Variants in GATA4 observed in about 807,000 individuals in gnomAD.
GATA4 encodes transcription factor GATA-4.
A neutral mutation model predicts 37.9 loss-of-function variants in GATA4; 7 were observed. That is an observed-to-expected ratio of 0.18 (90% confidence interval 0.11 to 0.35). The LOEUF (loss-of-function observed/expected upper bound fraction) is 0.35. Ranked by LOEUF, GATA4 falls within the 10% of genes least tolerant of loss-of-function variation. The pLI is 1.00. For synonymous variants in GATA4, 372 were observed against 292.6 expected (o/e 1.27, Z -2.77); for missense variants, 647 against 653.0 (o/e 0.99, Z 0.10).
intron 1 of GATA4, among the ~76,000 whole-genome samples, chr8:11,677,910 C>T (rs1165953211): frequency 6.6e-5 from 10 of 151,928 alleles, no homozygotes; most frequent in Non-Finnish European, 1.5e-4. Flanking sequence ...TGGTTGCACA[C>T]GCTTTTGCAT....
intron 1 of GATA4, among the ~76,000 whole-genome samples, chr8:11,705,515 G>A (rs577291078): frequency 1.1e-4 from 17 of 152,294 alleles, no homozygotes; most frequent in South Asian, 6.2e-4. Flanking sequence ...AAAGGGGAGC[G>A]CATTTCCTGT....
At chr8:11,748,859 G>C in intron 2 of GATA4, 57 bp from the exon 3 acceptor site, 1 of 1,581,806 alleles carries the variant, frequency 6.3e-7, no homozygotes, top group South Asian at 1.1e-5. Flanking sequence ...GTGAGAGCTG[G>C]GCATAAACAA....
At chr8:11,731,651 T>C (rs994655399) in intron 2 of GATA4, among the ~76,000 whole-genome samples, 1 of 152,170 alleles carries the variant, frequency 6.6e-6, no homozygotes, top group African/African-American at 2.4e-5. Context: ...TGAAAACAGT[T>C]GTAGAGATTA....
At chr8:11,710,630 C>A (rs1317373114) in intron 2 of GATA4, among the ~76,000 whole-genome samples, 3 of 124,882 alleles carry the variant, frequency 2.4e-5, no homozygotes, top group African/African-American at 9.3e-5. Context: ...GCAGAAGTTG[C>A]AGTGAGCCGA....
chr8:11,693,654 G>A (rs1585566054), intron 1 of GATA4, among the ~76,000 whole-genome samples: 1 of 152,150 alleles, frequency 6.6e-6, no homozygotes, highest in East Asian at 1.9e-4. Context: ...GAGGGCCAGA[G>A]TGGGCGGCTG....
intron 1 of GATA4, among the ~76,000 whole-genome samples, chr8:11,693,522 A>AC (rs1799394800): frequency 1.8e-5 from 2 of 109,962 alleles, no homozygotes; most frequent in East Asian, 5.1e-4. Context: ...ATTCAGCACA[A>AC]ACACACACAC....
At chr8:11,741,563 T>C (rs571827642) in intron 2 of GATA4, among the ~76,000 whole-genome samples, 1 of 152,294 alleles carries the variant, frequency 6.6e-6, no homozygotes, top group African/African-American at 2.4e-5. Flanking sequence ...GCATTGTGAT[T>C]GCAGAGGCTC....
intron 1 of GATA4, among the ~76,000 whole-genome samples, chr8:11,705,350 G>A (rs904052994): frequency 5.9e-5 from 9 of 152,194 alleles, no homozygotes; most frequent in Admixed American, 3.3e-4. Context: ...GGTTGTGCCG[G>A]CTAGCGTGCG....
At chr8:11,733,218 C>A (rs915911703) in intron 2 of GATA4, among the ~76,000 whole-genome samples, 3 of 151,962 alleles carry the variant, frequency 2.0e-5, no homozygotes, top group African/African-American at 7.3e-5. Flanking sequence ...ATTCCAAACT[C>A]CCTCAAACAA....
chr8:11,684,209 TATG>T (rs1175361508), intron 1 of GATA4, among the ~76,000 whole-genome samples: 7 of 152,178 alleles, frequency 4.6e-5, no homozygotes, highest in African/African-American at 1.4e-4. Flanking sequence ...CCTCTGATGT[TATG>T]GTGGATATTT....
chr8:11,697,972 G>A (rs1232660550), intron 1 of GATA4: 21 of 985,352 alleles, frequency 2.1e-5, no homozygotes, highest in Non-Finnish European at 2.5e-5. Context: ...AGCCGCGGGT[G>A]TCCCTACCAT....
rs574193652 is a variant in GATA4, at chr8:11,696,123, T to C, written c.-729+3463T>C. 6.6e-5 allele frequency among the ~76,000 whole-genome samples: 10 copies of C among 152,252 alleles called. No individual in the cohort carries two copies. The South Asian group carries it at 2.1e-3, about 32-fold the overall frequency. ...TCCTTCTGCTTTTTTCAAAGCCAGA[T>C]TTATTGAAGTGCAACTTATATACAG... On this transcript the variant is annotated intron_variant, in intron 1 of 2. Transcript: ENST00000526974.
At chr8:11,755,678 C>G (rs1288960574) in intron 5 of GATA4, among the ~76,000 whole-genome samples, 1 of 152,152 alleles carries the variant, frequency 6.6e-6, no homozygotes, top group African/African-American at 2.4e-5. Context: ...TACTAACAAG[C>G]AAACTGAGGC....
chr8:11,693,478 AAGAGAG>A (rs113044488), intron 1 of GATA4, among the ~76,000 whole-genome samples: 37 of 144,342 alleles, frequency 2.6e-4, no homozygotes, highest in African/African-American at 6.7e-4. Flanking sequence ...AGGGAGAAAG[AAGAGAG>A]AGAGAGAGAG....
intron 2 of GATA4, among the ~76,000 whole-genome samples, chr8:11,738,400 C>CT (rs1429078357): frequency 6.6e-6 from 1 of 152,076 alleles, no homozygotes; most frequent in Non-Finnish European, 1.5e-5. Context: ...TTCTCCCCTT[C>CT]TTTTTGTAAG....
rs914158191 is a variant in GATA4, at chr8:11,709,817, G to C, written c.616+889G>C. 6.6e-6 allele frequency among the ~76,000 whole-genome samples: 1 copy of C among 152,164 alleles called. No homozygotes were observed. Among genetic ancestry groups the C allele is most frequent in the Non-Finnish European group, 1.5e-5 (1 of 68,036 alleles). On this transcript the variant is annotated intron_variant, in intron 2 of 6. Coordinates refer to ENST00000532059, the MANE Select transcript of GATA4 (RefSeq NM_001308093.3). This position sits in a 1 kb window ranked among gnomAD's most constrained non-coding sequence, Gnocchi z 4.3. ...AACCTCCACTGATTCACAAATAAAC[G>C]CAGCGGGATCTGAGAAGGGGCCTGA...
chr8:11,680,363 T>A (rs1351846582), intron 1 of GATA4: 1 of 485,510 alleles, frequency 2.1e-6, no homozygotes, highest in African/African-American at 2.1e-5. Context: ...TCTCTGCAAG[T>A]AACTAACCAG....
At position 11,709,910 on chromosome 8, in the gene GATA4, T is replaced by G. The variant is rs1399853670; in HGVS notation, c.616+982T>G. On this transcript the variant is annotated intron_variant, in intron 2 of 6. Transcript: ENST00000532059. The surrounding 1 kb of genome is among the most constrained non-coding windows in gnomAD (Gnocchi z 4.3). ...CAAAATGCAAACGACCTCTGGAATT[T>G]CGGGAAGAGACGGAGGAGTGAGTTT... Among the ~76,000 whole-genome samples, 2 of 152,058 alleles carry G rather than the reference T, an allele frequency of 1.3e-5. No individual in the cohort carries two copies. The highest frequency in any genetic ancestry group is 2.9e-5 in the Non-Finnish European group (2 of 68,000).
upstream of GATA4, among the ~76,000 whole-genome samples, chr8:11,689,535 C>G (rs928015231): frequency 2.6e-5 from 4 of 152,158 alleles, no homozygotes; most frequent in African/African-American, 9.7e-5. Context: ...AAGGCTGAGT[C>G]CACAAGACCA....
Sources: gnomAD v4.1 joint callset for allele counts (sites outside exome capture counted in the v4.1 genomes callset) on GRCh38, gnomAD v4.1.1 for gene constraint, Gnocchi (gnomAD v3.1) non-coding constraint, MANE v1.5 for transcripts, NCBI Gene and HGNC (gene_info 2026-07-23, HGNC 2026-07-21) for gene names.